SH3GLB1: variants seen among roughly 807,000 people sequenced by gnomAD.
SH3GLB1 encodes SH3 domain containing GRB2 like, endophilin B1.
SH3GLB1 carries 17 observed loss-of-function variants against 42.0 expected under a neutral mutation model. The ratio of observed to expected loss-of-function variants is 0.40; its 90% CI spans 0.28 to 0.61. SH3GLB1 has a LOEUF of 0.61. SH3GLB1 is among the 20% of genes least tolerant of loss of function. The pLI is 0.36. For synonymous variants in SH3GLB1, 132 were observed against 146.6 expected (o/e 0.90, Z 0.72); for missense variants, 355 against 426.3 (o/e 0.83, Z 1.47).
intron 1 of SH3GLB1, among the ~76,000 whole-genome samples, chr1:86,710,051 G>A (rs958545304): frequency 2.6e-5 from 4 of 152,000 alleles, no homozygotes; most frequent in Non-Finnish European, 4.4e-5. Flanking sequence ...TGTCACATTC[G>A]AAATCCATAC....
chr1:86,734,813 C>T, intron 6 of SH3GLB1, 122 bp downstream of exon 6: 1 of 687,320 alleles, frequency 1.5e-6, no homozygotes. Context: ...TTCTACTTTC[C>T]AATATATCCG....
chr1:86,719,443 A>C, intron 2 of SH3GLB1, 64 bp from the exon 3 acceptor site: 3 of 1,482,376 alleles, frequency 2.0e-6, no homozygotes, highest in Non-Finnish European at 2.7e-6. Flanking sequence ...GATGGGGGAA[A>C]AAAACAATCT....
intron 5 of SH3GLB1, among the ~76,000 whole-genome samples, chr1:86,725,390 A>G (rs1004960896): frequency 2.0e-5 from 3 of 152,126 alleles, no homozygotes; most frequent in Non-Finnish European, 4.4e-5. Context: ...TTGAGTAGGT[A>G]TATATTAAAT....
intron 1 of SH3GLB1, among the ~76,000 whole-genome samples, chr1:86,706,725 T>C (rs529344183): frequency 6.6e-6 from 1 of 152,332 alleles, no homozygotes; most frequent in African/African-American, 2.4e-5. Context: ...CACTGTATAA[T>C]GCTACTCTTT....
intron 7 of SH3GLB1, among the ~76,000 whole-genome samples, chr1:86,738,128 A>G (rs1655868267): frequency 6.6e-6 from 1 of 152,172 alleles, no homozygotes; most frequent in Admixed American, 6.5e-5. Context: ...TTTCAAACTT[A>G]TTGCAATAAT....
chr1:86,730,504 AT>A (rs547603497), intron 5 of SH3GLB1: 14,355 of 483,796 alleles, frequency 0.03, 2 homozygotes, highest in Middle Eastern at 0.035. Flanking sequence ...GCACAAATGA[AT>A]TTTTTTTTTT....
chr1:86,743,084 A>T, intron 8 of SH3GLB1, 44 bp from the exon 9 acceptor site: 1 of 1,462,194 alleles, frequency 6.8e-7, no homozygotes, highest in Middle Eastern at 1.7e-4. Flanking sequence ...CTACTTGTTT[A>T]TTTTTTTAAT....
chr1:86,742,509 A>T (rs1270867035), intron 8 of SH3GLB1, 73 bp downstream of exon 8: 2 of 1,096,582 alleles, frequency 1.8e-6, no homozygotes, highest in African/African-American at 3.1e-5. Context: ...ACAAAATGCA[A>T]ATTCCTCATT....
chr1:86,724,884 A>ATATATAT (rs1436043734), intron 5 of SH3GLB1, among the ~76,000 whole-genome samples: 2 of 104,304 alleles, frequency 1.9e-5, no homozygotes, highest in Admixed American at 8.8e-5. Context: ...TAAAAAAAAA[A>ATATATAT]AAAAAAAAAT....
chr1:86,738,411 A>G (rs1655887877), intron 7 of SH3GLB1, among the ~76,000 whole-genome samples: 1 of 151,460 alleles, frequency 6.6e-6, no homozygotes, highest in Non-Finnish European at 1.5e-5. Flanking sequence ...GACTACAGGC[A>G]CCCACCACCA....
chr1:86,739,007 C>G (rs1234424509), intron 7 of SH3GLB1, among the ~76,000 whole-genome samples: 4 of 152,136 alleles, frequency 2.6e-5, no homozygotes, highest in Admixed American at 2.6e-4. Context: ...TGGGGAATGC[C>G]AGAGGAGGCA....
chr1:86,716,722 T>C (rs1305417255), intron 2 of SH3GLB1, among the ~76,000 whole-genome samples: 1 of 152,232 alleles, frequency 6.6e-6, no homozygotes, highest in Non-Finnish European at 1.5e-5. Flanking sequence ...AGTTAGCATC[T>C]TGTCAAATGT....
intron 1 of SH3GLB1, among the ~76,000 whole-genome samples, chr1:86,707,171 A>G (rs1252235872): frequency 6.6e-6 from 1 of 152,214 alleles, no homozygotes; most frequent in Non-Finnish European, 1.5e-5. Flanking sequence ...GGTGGTTGTT[A>G]ATATCTTTAT....
chr1:86,717,744 A>G (rs146297525), intron 2 of SH3GLB1, among the ~76,000 whole-genome samples: 1 of 152,282 alleles, frequency 6.6e-6, no homozygotes, highest in Non-Finnish European at 1.5e-5. Context: ...ATTAAGTTAC[A>G]TAGGTTTTGA....
At chr1:86,706,985 G>A (rs989886615) in intron 1 of SH3GLB1, among the ~76,000 whole-genome samples, 1 of 152,162 alleles carries the variant, frequency 6.6e-6, no homozygotes, top group African/African-American at 2.4e-5. Flanking sequence ...ATATTTAAGT[G>A]TCTACTGCAT....
rs1570312611 is a variant in SH3GLB1, at chr1:86,747,864, C to A, written c.*4629C>A. The A allele has an allele frequency of 1.3e-5, 2 of 152,170 alleles. No individual in the cohort carries two copies. Among genetic ancestry groups the A allele is most frequent in the African/African-American group, 4.8e-5 (2 of 41,520 alleles). The allele number at this position is 152,170 out of a possible 1,614,324, so 9.4% of individuals were successfully genotyped here. A position where few individuals can be genotyped will look rare whatever the true frequency, so the allele number is the denominator to read the frequency against. On this transcript the variant is annotated 3_prime_UTR_variant, in exon 9 of 9. Coordinates refer to ENST00000370558, the MANE Select transcript of SH3GLB1 (RefSeq NM_016009.5). ...GCTTTTTTATAATACAAGTCATAGC[C>A]CTGTTGGCAAAAAGAAAAAAGATTC...
chr1:86,741,503 A>T (rs1656056187), intron 7 of SH3GLB1, among the ~76,000 whole-genome samples: 2 of 152,118 alleles, frequency 1.3e-5, no homozygotes, highest in African/African-American at 4.8e-5. Flanking sequence ...CTAATAGAAA[A>T]TTTTTCTAAA....
intron 7 of SH3GLB1, 53 bp downstream of exon 7, chr1:86,735,232 G>A: frequency 2.6e-6 from 3 of 1,157,484 alleles, no homozygotes; most frequent in Middle Eastern, 2.0e-4. Flanking sequence ...TTTTGCTTAT[G>A]AACTAATACT....
At chr1:86,722,428 C>G (rs1169378332) in intron 3 of SH3GLB1, 112 bp from the exon 4 acceptor site, 5 of 911,790 alleles carry the variant, frequency 5.5e-6, no homozygotes, top group African/African-American at 1.7e-5. Flanking sequence ...TTTACTTTAG[C>G]AAGCAAGTTA....
Sources: allele counts gnomAD v4.1 joint callset (sites outside exome capture counted in the v4.1 genomes callset), GRCh38; gene constraint gnomAD v4.1.1; transcripts MANE v1.5; gene names NCBI Gene and HGNC (gene_info 2026-07-23, HGNC 2026-07-21).